The following CACNA2D2 variants were observed in gnomAD, a reference collection of about 807,000 sequenced individuals.
CACNA2D2 encodes calcium voltage-gated channel auxiliary subunit alpha2delta 2, also known as voltage-dependent calcium channel subunit alpha-2/delta-2.
In CACNA2D2, 48 loss-of-function variants were observed where a neutral mutation model predicts 166.4. That is an observed-to-expected ratio of 0.29 (90% CI 0.23 to 0.37). The LOEUF (loss-of-function observed/expected upper bound fraction) is 0.37. Among genes scored for constraint, CACNA2D2 ranks in the 10% least tolerant of loss-of-function variants. CACNA2D2 has a pLI of 1.00. For synonymous variants in CACNA2D2, 561 were observed against 573.7 expected (o/e 0.98, Z 0.32); for missense variants, 1,122 against 1,433.0 (o/e 0.78, Z 3.50).
chr3:50,385,933 C>G (rs1299078579), intron 5 of CACNA2D2, among the ~76,000 whole-genome samples: 1 of 152,252 alleles, frequency 6.6e-6, no homozygotes, highest in African/African-American at 2.4e-5. Flanking sequence ...TTCTGATAAG[C>G]TATCAGCTGG....
At chr3:50,469,834 C>T (rs1330667987) in intron 2 of CACNA2D2, among the ~76,000 whole-genome samples, 1 of 152,246 alleles carries the variant, frequency 6.6e-6, no homozygotes, top group Non-Finnish European at 1.5e-5. Context: ...GGACCACAGG[C>T]AGGTCCTACC....
At position 50,365,231 on chromosome 3, in the gene CACNA2D2, ACCC is replaced by A; in HGVS notation, c.3099-50_3099-48del. On this transcript the variant is annotated intron_variant, in intron 35 of 37. Coordinates refer to ENST00000424201, the MANE Select transcript of CACNA2D2 (RefSeq NM_006030.4). This position sits in a 1 kb window ranked among gnomAD's most constrained non-coding sequence, Gnocchi z 4.5. ...GGGGCGTTGAGTTTGCCCCGCCCTG[ACCC>A]ACCCCCATCCTGCGGCCCCGCCCCC... is the stretch of plus-strand genomic sequence containing the variant. The A allele has an allele frequency of 1.6e-6, 1 of 609,370 alleles. No homozygotes were observed. Among genetic ancestry groups the A allele is most frequent in the East Asian group, 6.0e-5 (1 of 16,730 alleles). 37.7% of individuals were successfully genotyped at this position (609,370 alleles called of 1,614,324 possible).
intron 1 of CACNA2D2, among the ~76,000 whole-genome samples, chr3:50,488,790 C>T (rs987950113): frequency 6.6e-6 from 1 of 152,038 alleles, no homozygotes; most frequent in Non-Finnish European, 1.5e-5. Context: ...AGCTCCGCCC[C>T]TCGGGTTCAT....
At chr3:50,402,523 C>T (rs1472871972) in intron 3 of CACNA2D2, among the ~76,000 whole-genome samples, 1 of 152,224 alleles carries the variant, frequency 6.6e-6, no homozygotes, top group Non-Finnish European at 1.5e-5. Flanking sequence ...CAACAAACTG[C>T]TTCAGGTCCA....
At chr3:50,364,833 G>A (rs748827377) in intron 37 of CACNA2D2, 27 bp from the exon 38 acceptor site, 6 of 1,613,082 alleles carry the variant, frequency 3.7e-6, no homozygotes, top group Non-Finnish European at 3.4e-6. Flanking sequence ...GGAGCTGGTC[G>A]GCCTGGGCGG....
intron 3 of CACNA2D2, among the ~76,000 whole-genome samples, chr3:50,419,388 G>C (rs1395937264): frequency 6.6e-6 from 1 of 152,138 alleles, no homozygotes; most frequent in Non-Finnish European, 1.5e-5. Context: ...CTGGGGTCCT[G>C]ACCACATGAG....
At position 50,387,012 on chromosome 3, in the gene CACNA2D2, G is replaced by A. The variant is rs117858399; in HGVS notation, c.510+556C>T. Among the ~76,000 whole-genome samples, 205 of 152,320 alleles carry A rather than the reference G, an allele frequency of 1.3e-3. 2 individuals are homozygous for A. The East Asian group carries it at 0.034, about 25-fold the overall frequency. On this transcript the variant is annotated intron_variant, in intron 5 of 37. Transcript: ENST00000424201. ...ACTACCTCAGAGGGCAGCCCGGGCGGACTTGAGCCAGTGAGTGACATGGAG... is the reference window on the plus strand; with the variant it reads ...ACTACCTCAGAGGGCAGCCCGGGCGAACTTGAGCCAGTGAGTGACATGGAG...
intron 13 of CACNA2D2, 88 bp from the exon 14 acceptor site, chr3:50,378,421 C>T: frequency 1.5e-6 from 2 of 1,294,218 alleles, no homozygotes; most frequent in Non-Finnish European, 2.2e-6. Flanking sequence ...GTGTCTGCAG[C>T]CCTGCCTCGC....
chr3:50,373,628 T>G (rs965747827), intron 22 of CACNA2D2, among the ~76,000 whole-genome samples: 427 of 2,846 alleles, frequency 0.15, no homozygotes, highest in Non-Finnish European at 0.17. Flanking sequence ...GGGGGGGGGG[T>G]GCTGGGGTGG....
intron 2 of CACNA2D2, among the ~76,000 whole-genome samples, chr3:50,443,240 C>T (rs532925208): frequency 2.0e-5 from 3 of 152,314 alleles, no homozygotes; most frequent in Non-Finnish European, 2.9e-5. Flanking sequence ...TTGTTTGTGT[C>T]GGCGTCTGGG....
chr3:50,436,296 T>C (rs755088486), intron 2 of CACNA2D2, among the ~76,000 whole-genome samples: 5 of 152,218 alleles, frequency 3.3e-5, no homozygotes, highest in East Asian at 1.9e-4. Context: ...ATGAAGTTCA[T>C]ACCTCAGACT....
intron 3 of CACNA2D2, among the ~76,000 whole-genome samples, chr3:50,397,815 C>T (rs1706233663): frequency 1.3e-5 from 2 of 152,224 alleles, no homozygotes; most frequent in African/African-American, 4.8e-5. Context: ...CTTTAACCAG[C>T]CCTCTGGACA....
intron 1 of CACNA2D2, among the ~76,000 whole-genome samples, chr3:50,501,257 G>A (rs917988156): frequency 1.3e-5 from 2 of 152,138 alleles, no homozygotes; most frequent in African/African-American, 4.8e-5. Context: ...CTCCCTCCAA[G>A]GATCAATGTG....
chr3:50,397,953 TAGTC>T (rs1458801927), intron 3 of CACNA2D2, among the ~76,000 whole-genome samples: 1 of 152,058 alleles, frequency 6.6e-6, no homozygotes, highest in East Asian at 1.9e-4. Context: ...GAGCTGACAA[TAGTC>T]AGGCCTGCTG....
intron 22 of CACNA2D2, among the ~76,000 whole-genome samples, chr3:50,370,734 T>C (rs1240514350): frequency 6.6e-6 from 1 of 151,844 alleles, no homozygotes; most frequent in Non-Finnish European, 1.5e-5. Context: ...ATACACACAC[T>C]GCTATATATA....
chr3:50,490,530 G>A (rs1016655648), intron 1 of CACNA2D2, among the ~76,000 whole-genome samples: 15 of 152,016 alleles, frequency 9.9e-5, no homozygotes, highest in Non-Finnish European at 1.6e-4. Flanking sequence ...GGCAGCCCCT[G>A]GGCTGGGAAA....
At chr3:50,393,986 T>C (rs1706016296) in intron 4 of CACNA2D2, 123 bp downstream of exon 4, 1 of 801,454 alleles carries the variant, frequency 1.2e-6, no homozygotes, top group East Asian at 2.6e-5. Context: ...CACCGGCTTC[T>C]GGCTCTACTC....
chr3:50,448,637 T>TTCCTGAGCTCAGCCCTGAGC (rs1708967627), intron 2 of CACNA2D2, among the ~76,000 whole-genome samples: 1 of 152,076 alleles, frequency 6.6e-6, no homozygotes, highest in Non-Finnish European at 1.5e-5. Context: ...GGTGCATGTG[T>TTCCTGAGCTCAGCCCTGAGC]TCCTGAGCTC....
chr3:50,476,223 G>A lies in CACNA2D2; in HGVS notation c.207-24C>T, dbSNP rs1177358194. The A allele has an allele frequency of 2.6e-6, 4 of 1,558,254 alleles. No homozygotes were observed. In the South Asian group the frequency reaches 3.5e-5, roughly 14 times the overall value. On this transcript the variant is annotated intron_variant, in intron 1 of 37. Transcript: ENST00000424201. ...TCCTGTATGCAGAGAGAGGAGAGAG[G>A]TGTCAGGAGGGCCTGCCCAGAGCTG...
Sources: allele counts gnomAD v4.1 joint callset (sites outside exome capture counted in the v4.1 genomes callset), GRCh38; gene constraint gnomAD v4.1.1; non-coding constraint Gnocchi (gnomAD v3.1); transcripts MANE v1.5; gene names NCBI Gene and HGNC (gene_info 2026-07-23, HGNC 2026-07-21).